CTNNA2: variants seen among roughly 807,000 people sequenced by gnomAD.
CTNNA2 encodes the protein catenin alpha 2.
CTNNA2 carries 42 observed loss-of-function variants against 101.0 expected under a neutral mutation model. The observed-to-expected ratio is 0.42, with a 90% confidence interval of 0.32 to 0.54. The LOEUF is 0.54. CTNNA2 is among the 20% of genes least tolerant of loss of function. The pLI is 0.14. For synonymous variants in CTNNA2, 450 were observed against 456.4 expected, an observed-to-expected ratio of 0.99 and a Z score of 0.18; for missense variants, 871 against 1,223.1, an observed-to-expected ratio of 0.71 and a Z score of 4.29.
At chr2:79,224,013 A>C (rs1254002242) in intron 2 of CTNNA2, among the ~76,000 whole-genome samples, 1 of 152,228 alleles carries the variant, frequency 6.6e-6, no homozygotes, top group African/African-American at 2.4e-5. Context: ...GAAATCAGTA[A>C]TAGGTTGAGA....
chr2:79,430,671 T>A (rs957893705), intron 4 of CTNNA2, among the ~76,000 whole-genome samples: 3 of 152,248 alleles, frequency 2.0e-5, no homozygotes, highest in Non-Finnish European at 4.4e-5. Context: ...AATTCCATTT[T>A]ATATATGGAG....
intron 1 of CTNNA2, among the ~76,000 whole-genome samples, chr2:79,595,742 T>C (rs543740592): frequency 6.6e-6 from 1 of 151,992 alleles, no homozygotes; most frequent in African/African-American, 2.4e-5. Flanking sequence ...TCTGAATGGG[T>C]TTTTTCCTTA....
chr2:80,286,797 T>C lies in CTNNA2; in HGVS notation c.1057-106414T>C, dbSNP rs144973081. The stretch of plus-strand genomic sequence containing the variant: ...AGACTTTGCTACACCTGTGTTATAG[T>C]ATTCATCCTATTCTACCTTTGGTTG... On this transcript the variant is annotated intron_variant, in intron 7 of 18. Coordinates refer to ENST00000402739, the MANE Select transcript of CTNNA2 (RefSeq NM_001282597.3). Among the ~76,000 whole-genome samples, 141 of 152,332 alleles carry C rather than the reference T, an allele frequency of 9.3e-4. 1 individual carries two copies. Among genetic ancestry groups the C allele is most frequent in the Non-Finnish European group, 1.6e-3 (112 of 68,012 alleles).
intron 4 of CTNNA2, among the ~76,000 whole-genome samples, chr2:79,470,065 A>T (rs1670981309): frequency 6.6e-6 from 1 of 152,210 alleles, no homozygotes; most frequent in South Asian, 2.1e-4. Flanking sequence ...AAGGGTATTC[A>T]ATTAGGAAAA....
At chr2:79,433,368 C>T (rs1678676761) in intron 4 of CTNNA2, among the ~76,000 whole-genome samples, 1 of 152,134 alleles carries the variant, frequency 6.6e-6, no homozygotes, top group Admixed American at 6.5e-5. Flanking sequence ...AGTCAGATCT[C>T]AGGTGAGGAC....
intron 3 of CTNNA2, among the ~76,000 whole-genome samples, chr2:79,340,775 A>T (rs529267649): frequency 1.5e-5 from 2 of 136,986 alleles, no homozygotes; most frequent in Non-Finnish European, 3.0e-5. Context: ...CGGAGCTTGC[A>T]GTGAGCGGAG....
At chr2:79,778,584 TACATATATACATACATATATACAC>T (rs1162897185) in intron 3 of CTNNA2, among the ~76,000 whole-genome samples, 2 of 149,994 alleles carry the variant, frequency 1.3e-5, no homozygotes, top group Admixed American at 1.3e-4. Context: ...TATACGTATA[TACATATATACATACATATATACAC>T]ACATATATAC....
chr2:79,227,945 C>T lies in CTNNA2; in HGVS notation c.-406+29869C>T, dbSNP rs1460684385. 3.9e-5 allele frequency among the ~76,000 whole-genome samples: 6 copies of T among 152,200 alleles called. No individual in the cohort carries two copies. The South Asian group carries it at 8.3e-4, about 21-fold the overall frequency. ...GATCCCTAGTATCTATTGTTCCTAT[C>T]GTTACAATCACGTACATTCAATGTT... On this transcript the variant is annotated intron_variant, in intron 2 of 21. Coordinates refer to the CTNNA2 transcript ENST00000466387.
intron 7 of CTNNA2, among the ~76,000 whole-genome samples, chr2:79,915,860 C>A (rs1450420698): frequency 1.3e-5 from 2 of 152,102 alleles, no homozygotes; most frequent in African/African-American, 4.8e-5. Flanking sequence ...AACTAGTTGG[C>A]AAGTTCAGTA....
intron 7 of CTNNA2, among the ~76,000 whole-genome samples, chr2:79,924,403 T>C (rs1419830924): frequency 1.3e-5 from 2 of 152,108 alleles, no homozygotes; most frequent in African/African-American, 4.8e-5. Flanking sequence ...AAATCCAGCT[T>C]TCAGAATACT....
At chr2:80,573,763 T>G (rs1220683615) in intron 12 of CTNNA2, among the ~76,000 whole-genome samples, 2 of 152,196 alleles carry the variant, frequency 1.3e-5, no homozygotes, top group Admixed American at 6.5e-5. Flanking sequence ...AGAATTTTAT[T>G]ACATTTTATA....
At chr2:79,257,744 C>T (rs1674866824) in intron 2 of CTNNA2, among the ~76,000 whole-genome samples, 1 of 151,776 alleles carries the variant, frequency 6.6e-6, no homozygotes, top group Non-Finnish European at 1.5e-5. Flanking sequence ...CACCGGGAGG[C>T]TCTTGTATGA....
At chr2:79,949,978 T>G (rs1448196736) in intron 7 of CTNNA2, among the ~76,000 whole-genome samples, 1 of 152,178 alleles carries the variant, frequency 6.6e-6, no homozygotes, top group African/African-American at 2.4e-5. Context: ...AGAGAGTAGA[T>G]TCCTCTTTAA....
At chr2:80,331,037 T>C (rs966900541) in intron 7 of CTNNA2, among the ~76,000 whole-genome samples, 168 of 150,370 alleles carry the variant, frequency 1.1e-3, no homozygotes, top group Non-Finnish European at 2.5e-4. Context: ...TTTTTTTTTT[T>C]TTCCTTCCCC....
At chr2:79,618,734 G>A (rs1274883784) in intron 1 of CTNNA2, among the ~76,000 whole-genome samples, 2 of 152,152 alleles carry the variant, frequency 1.3e-5, no homozygotes, top group African/African-American at 4.8e-5. Context: ...TCGTAATTCT[G>A]AAATCCAAAA....
chr2:79,623,115 A>G (rs112678818), intron 1 of CTNNA2, among the ~76,000 whole-genome samples: 3,441 of 152,296 alleles, frequency 0.023, 45 homozygotes, highest in Non-Finnish European at 0.032. Flanking sequence ...TTCATGAATC[A>G]TAGTCTATCA....
At chr2:80,205,179 C>A (rs1332117246) in intron 7 of CTNNA2, among the ~76,000 whole-genome samples, 2 of 152,014 alleles carry the variant, frequency 1.3e-5, no homozygotes, top group African/African-American at 4.8e-5. Context: ...ACATCCTGGA[C>A]AATTAGCAAT....
intron 9 of CTNNA2, among the ~76,000 whole-genome samples, chr2:80,518,283 G>A (rs1689259408): frequency 6.6e-6 from 1 of 152,194 alleles, no homozygotes; most frequent in Non-Finnish European, 1.5e-5. Flanking sequence ...AATTGGATCA[G>A]TCTGGTCTTC....
At position 79,357,062 on chromosome 2, in the gene CTNNA2, C is replaced by T. The variant is rs1259032791; in HGVS notation, c.-317-16769C>T. The stretch of plus-strand genomic sequence containing the variant: ...CTCAATAGAGCTGGGTGGATTGGCT[C>T]ACATCTGTAATCCTAACACTCTGGG... On this transcript the variant is annotated intron_variant, in intron 3 of 21. Coordinates refer to the CTNNA2 transcript ENST00000466387. 1.3e-5 allele frequency among the ~76,000 whole-genome samples: 2 copies of T among 152,136 alleles called. 1 individual carries two copies.
Sources: gnomAD v4.1 joint callset for allele counts (sites outside exome capture counted in the v4.1 genomes callset) on GRCh38, gnomAD v4.1.1 for gene constraint, MANE v1.5 for transcripts, NCBI Gene and HGNC (gene_info 2026-07-23, HGNC 2026-07-21) for gene names.